The following PTPN12 variants were observed in gnomAD, a reference collection of about 807,000 sequenced individuals.
The protein encoded by PTPN12 is protein tyrosine phosphatase non-receptor type 12.
In PTPN12, 29 loss-of-function variants were observed where a neutral mutation model predicts 97.6. That is an observed-to-expected ratio of 0.30 (90% CI 0.22 to 0.41). PTPN12 has a LOEUF of 0.41. Ranked by LOEUF, PTPN12 falls within the 10% of genes least tolerant of loss-of-function variation. The pLI, the probability that PTPN12 is intolerant of heterozygous loss-of-function variation, is 1.00. For missense variants in PTPN12, 819 were observed against 926.0 expected (o/e 0.88, Z 1.50); for synonymous variants, 327 against 300.4 (o/e 1.09, Z -0.91).
chr7:77,607,381 AG>A (rs1183601636), intron 9 of PTPN12, 80 bp downstream of exon 9: 2 of 1,040,000 alleles, frequency 1.9e-6, no homozygotes, highest in Non-Finnish European at 2.9e-6. Flanking sequence ...AGTAAATTAT[AG>A]TGTATATTTT....
intron 3 of PTPN12, among the ~76,000 whole-genome samples, chr7:77,582,783 CA>C (rs374857749): frequency 1.4e-3 from 135 of 98,666 alleles, no homozygotes; most frequent in Admixed American, 1.7e-3. Context: ...GACTCCGTCT[CA>C]AAAAAAAAAA....
chr7:77,543,647 T>A (rs1231896759), intron 1 of PTPN12, among the ~76,000 whole-genome samples: 1 of 152,186 alleles, frequency 6.6e-6, no homozygotes, highest in East Asian at 1.9e-4. Context: ...TTTTCTTCAC[T>A]TTCTGTACCC....
chr7:77,537,909 G>C, intron 1 of PTPN12: 1 of 586,936 alleles, frequency 1.7e-6, no homozygotes, highest in East Asian at 6.6e-5. Context: ...CGAGCCCGCA[G>C]CCTGCACCGT....
intron 12 of PTPN12, among the ~76,000 whole-genome samples, chr7:77,622,258 ATTCCAGTTC>A (rs1156925384): frequency 2.6e-5 from 4 of 152,224 alleles, no homozygotes; most frequent in Admixed American, 1.3e-4. Context: ...TCCCACCAGT[ATTCCAGTTC>A]TTCCAGTTCT....
intron 12 of PTPN12, among the ~76,000 whole-genome samples, chr7:77,621,535 G>T: frequency 6.6e-6 from 1 of 152,024 alleles, no homozygotes; most frequent in East Asian, 1.9e-4. Flanking sequence ...TGGGCGTTGT[G>T]GCGGGCACCT....
rs545824431 is a variant in PTPN12 at position 77,537,980 on chromosome 7, G to T, written c.99+335G>T. 7.5e-3 allele frequency: 5,470 copies of T among 726,658 alleles called. 38 individuals carry two copies. Among genetic ancestry groups the T allele is most frequent in the Admixed American group, 8.4e-3 (42 of 4,984 alleles). 45.0% of individuals were successfully genotyped at this position (726,658 alleles called of 1,614,324 possible). On this transcript the variant is annotated intron_variant, in intron 1 of 17. Transcript: ENST00000248594. ...CCGTAGGCAAGTGAGGTGCAGGCCGGGGGGGGGGGCTCGCGTTTCCACACC... is the reference window on the plus strand; with the variant it reads ...CCGTAGGCAAGTGAGGTGCAGGCCGTGGGGGGGGGCTCGCGTTTCCACACC...
intron 5 of PTPN12, among the ~76,000 whole-genome samples, 196 bp from the exon 6 acceptor site, chr7:77,591,988 AT>A (rs1419722431): frequency 6.6e-6 from 1 of 152,202 alleles, no homozygotes; most frequent in African/African-American, 2.4e-5. Context: ...TCTTATGACT[AT>A]TCTTGGAGAA....
intron 2 of PTPN12, among the ~76,000 whole-genome samples, chr7:77,579,119 AATT>A (rs985346655): frequency 5.3e-5 from 8 of 151,982 alleles, no homozygotes; most frequent in Admixed American, 1.3e-4. Flanking sequence ...GAGAAATAAA[AATT>A]ATTATTATTA....
chr7:77,615,127 A>C (rs541109411), intron 11 of PTPN12, among the ~76,000 whole-genome samples: 1 of 152,170 alleles, frequency 6.6e-6, no homozygotes, highest in Non-Finnish European at 1.5e-5. Flanking sequence ...CTTGTGTGTA[A>C]AGGACACCGT....
intron 4 of PTPN12, 92 bp from the exon 5 acceptor site, chr7:77,585,451 G>T (rs935451429): frequency 1.8e-6 from 2 of 1,122,396 alleles, no homozygotes; most frequent in Non-Finnish European, 2.6e-6. Context: ...ATACTTCTCG[G>T]TGCAAAATTC....
At chr7:77,562,294 A>C (rs150324659) in intron 1 of PTPN12, among the ~76,000 whole-genome samples, 100 of 152,266 alleles carry the variant, frequency 6.6e-4, no homozygotes, top group African/African-American at 2.2e-3. Flanking sequence ...ACCTCAGGTG[A>C]TCCACCCACC....
At chr7:77,561,488 T>A (rs1252491722) in intron 1 of PTPN12, among the ~76,000 whole-genome samples, 1 of 152,140 alleles carries the variant, frequency 6.6e-6, no homozygotes, top group East Asian at 1.9e-4. Context: ...GAAAGTTTGG[T>A]CAGCTGACCA....
chr7:77,605,951 T>A (rs1788358860), intron 8 of PTPN12, among the ~76,000 whole-genome samples: 1 of 133,590 alleles, frequency 7.5e-6, no homozygotes, highest in Non-Finnish European at 1.6e-5. Context: ...CCATCTTTTT[T>A]TTTTTTTTTT....
chr7:77,562,533 G>A (rs1170616186), intron 1 of PTPN12, among the ~76,000 whole-genome samples: 2 of 152,118 alleles, frequency 1.3e-5, no homozygotes, highest in Non-Finnish European at 2.9e-5. Context: ...ACATAGTCGG[G>A]AGCCATAGTT....
At chr7:77,579,418 C>T (rs1787442941) in intron 2 of PTPN12, among the ~76,000 whole-genome samples, 1 of 152,090 alleles carries the variant, frequency 6.6e-6, no homozygotes, top group Non-Finnish European at 1.5e-5. Flanking sequence ...AGCCACTATG[C>T]CTGGCCACTA....
At chr7:77,580,396 A>G (rs965468586) in intron 2 of PTPN12, among the ~76,000 whole-genome samples, 20 of 152,342 alleles carry the variant, frequency 1.3e-4, no homozygotes, top group African/African-American at 4.6e-4. Context: ...TCCAGGATAT[A>G]CTATAAACTG....
intron 14 of PTPN12, among the ~76,000 whole-genome samples, chr7:77,634,645 G>A (rs548526822): frequency 2.6e-5 from 4 of 151,478 alleles, no homozygotes; most frequent in African/African-American, 4.8e-5. Context: ...GGGTTTCACC[G>A]TGTTAGCCAG....
chr7:77,572,888 G>T (rs1467799892), intron 2 of PTPN12, among the ~76,000 whole-genome samples: 4 of 151,964 alleles, frequency 2.6e-5, no homozygotes, highest in African/African-American at 9.7e-5. Flanking sequence ...TTCGCGACCA[G>T]CCTGACCAAC....
intron 12 of PTPN12, among the ~76,000 whole-genome samples, chr7:77,620,100 C>A (rs1019055222): frequency 1.3e-5 from 2 of 152,132 alleles, no homozygotes; most frequent in Non-Finnish European, 2.9e-5. Flanking sequence ...ATTTTTGCTG[C>A]CCTGTGTTTT....
Sources: allele counts gnomAD v4.1 joint callset (sites outside exome capture counted in the v4.1 genomes callset), GRCh38; gene constraint gnomAD v4.1.1; transcripts MANE v1.5; gene names NCBI Gene and HGNC (gene_info 2026-07-23, HGNC 2026-07-21).